The following AFAP1 variants were observed in gnomAD, a reference collection of about 807,000 sequenced individuals.
AFAP1 encodes the protein actin filament associated protein 1.
Under a neutral mutation model 93.9 loss-of-function variants are expected in AFAP1, and 75 were observed. That is an observed-to-expected ratio of 0.80 (90% confidence interval 0.66 to 0.97). The LOEUF is 0.97. Among genes scored for constraint, AFAP1 ranks in the 50% least tolerant of loss-of-function variants. AFAP1 has a pLI of 0.00. For synonymous variants in AFAP1, 517 were observed against 430.7 expected (o/e 1.20, Z -2.48); for missense variants, 1,201 against 1,050.8 (o/e 1.14, Z -1.98).
At chr4:7,857,007 A>C (rs1011864520) in intron 3 of AFAP1, among the ~76,000 whole-genome samples, 2 of 152,212 alleles carry the variant, frequency 1.3e-5, no homozygotes, top group African/African-American at 4.8e-5. Flanking sequence ...TGCCAGCTGG[A>C]GTTTTCAAAC....
chr4:7,886,655 C>A (rs149185958), intron 1 of AFAP1, among the ~76,000 whole-genome samples: 246 of 152,242 alleles, frequency 1.6e-3, no homozygotes, highest in African/African-American at 5.5e-3. Context: ...GACATACAAG[C>A]CCTGATGGAA....
chr4:7,935,201 A>G (rs1475738401), intron 1 of AFAP1, among the ~76,000 whole-genome samples: 8 of 152,144 alleles, frequency 5.3e-5, no homozygotes, highest in Admixed American at 5.2e-4. Context: ...ACAAAATTCC[A>G]TTACATTCAT....
intron 17 of AFAP1, among the ~76,000 whole-genome samples, chr4:7,765,986 C>T (rs1273717209): frequency 1.3e-5 from 2 of 152,206 alleles, no homozygotes; most frequent in African/African-American, 4.8e-5. Flanking sequence ...CCCACTATTT[C>T]CAGGGGCTCA....
chr4:7,897,312 G>C (rs924963070), intron 1 of AFAP1, among the ~76,000 whole-genome samples: 1 of 152,156 alleles, frequency 6.6e-6, no homozygotes, highest in African/African-American at 2.4e-5. Context: ...ACGAACAAAC[G>C]GTAGGAAAAC....
At chr4:7,876,846 C>T (rs1299384215) in intron 1 of AFAP1, among the ~76,000 whole-genome samples, 3 of 152,194 alleles carry the variant, frequency 2.0e-5, no homozygotes, top group Admixed American at 2.0e-4. Flanking sequence ...GCGAAATACT[C>T]CCATAGCAGA....
At chr4:7,859,862 A>G (rs1715475023) in intron 3 of AFAP1, among the ~76,000 whole-genome samples, 1 of 152,188 alleles carries the variant, frequency 6.6e-6, no homozygotes, top group African/African-American at 2.4e-5. Context: ...CTTTAAACAA[A>G]AAGAATTCAC....
chr4:7,796,936 T>C (rs1718483370), intron 10 of AFAP1, among the ~76,000 whole-genome samples: 1 of 151,816 alleles, frequency 6.6e-6, no homozygotes. Flanking sequence ...GTGGCACACC[T>C]GTAATCCCAG....
chr4:7,782,813 G>A (rs142659255), intron 12 of AFAP1, among the ~76,000 whole-genome samples: 1,704 of 152,214 alleles, frequency 0.011, 20 homozygotes, highest in Non-Finnish European at 0.015. Context: ...GTATTCCTCC[G>A]CAATCACTTC....
At chr4:7,780,600 C>G (rs1036569108) in intron 13 of AFAP1, among the ~76,000 whole-genome samples, 2 of 151,924 alleles carry the variant, frequency 1.3e-5, no homozygotes, top group Middle Eastern at 6.8e-3. Context: ...ATCACTTGAG[C>G]CCACAGTTCA....
intron 3 of AFAP1, among the ~76,000 whole-genome samples, chr4:7,865,403 T>C (rs575419810): frequency 2.2e-4 from 34 of 152,354 alleles, no homozygotes; most frequent in Non-Finnish European, 4.4e-4. Flanking sequence ...ATTTAACATA[T>C]TTAAAGCACA....
chr4:7,897,019 G>C (rs191823987), intron 1 of AFAP1, among the ~76,000 whole-genome samples: 1 of 152,044 alleles, frequency 6.6e-6, no homozygotes, highest in Admixed American at 6.5e-5. Flanking sequence ...AACCTCTGAA[G>C]ATGTTTGGTC....
At chr4:7,914,542 T>C (rs1234529913) in intron 1 of AFAP1, among the ~76,000 whole-genome samples, 1 of 152,156 alleles carries the variant, frequency 6.6e-6, no homozygotes, top group Non-Finnish European at 1.5e-5. Context: ...ATCCATCATG[T>C]GCTGCTGGAC....
At chr4:7,899,422 A>G (rs1279610051) in intron 1 of AFAP1, among the ~76,000 whole-genome samples, 1 of 152,204 alleles carries the variant, frequency 6.6e-6, no homozygotes, top group Non-Finnish European at 1.5e-5. Context: ...CAATAATACA[A>G]CATGCACTGG....
intron 1 of AFAP1, among the ~76,000 whole-genome samples, chr4:7,878,932 G>C (rs1717681706): frequency 6.6e-6 from 1 of 152,060 alleles, no homozygotes; most frequent in Non-Finnish European, 1.5e-5. Context: ...TCCCTCATAG[G>C]TTACGTTCAA....
chr4:7,856,649 C>A (rs927728429), intron 3 of AFAP1, among the ~76,000 whole-genome samples: 1 of 152,228 alleles, frequency 6.6e-6, no homozygotes, highest in Non-Finnish European at 1.5e-5. Flanking sequence ...GGACAACCTA[C>A]GTCCCACCTG....
Position 7,763,371 on chromosome 4 carries a change from C to T in AFAP1, c.*394G>A. On this transcript the variant is annotated 3_prime_UTR_variant, in exon 18 of 18. Transcript: ENST00000420658. ...TGCCCGGGGCAGCCGGGGATCCAAG[C>T]TCTTCCCTGTCGAATCCAGGTTTTC... 1 of 209,472 alleles carries T rather than the reference C, an allele frequency of 4.8e-6. No individual in the cohort carries two copies. The highest frequency in any genetic ancestry group is 9.5e-6 in the Non-Finnish European group (1 of 104,738). The allele number at this position is 209,472 out of a possible 1,614,324, so 13.0% of individuals were successfully genotyped here. A position where few individuals can be genotyped will look rare whatever the true frequency, so the allele number is the denominator to read the frequency against.
intron 5 of AFAP1, among the ~76,000 whole-genome samples, chr4:7,840,747 C>T (rs1253598898): frequency 6.6e-6 from 1 of 152,066 alleles, no homozygotes; most frequent in Non-Finnish European, 1.5e-5. Context: ...GAATGTTGAC[C>T]ATTTGAGATT....
chr4:7,832,670 T>TTA (rs1553842483), intron 6 of AFAP1, among the ~76,000 whole-genome samples: 5 of 142,544 alleles, frequency 3.5e-5, no homozygotes, highest in East Asian at 4.0e-4. Context: ...ATTCATATGT[T>TTA]AAAAAAAAAA....
intron 1 of AFAP1, among the ~76,000 whole-genome samples, chr4:7,873,098 C>T (rs1003092570): frequency 1.3e-5 from 2 of 150,808 alleles, no homozygotes; most frequent in African/African-American, 4.9e-5. Flanking sequence ...CAAAAAGTAG[C>T]CGGGCGTGGT....
Sources: gnomAD v4.1 joint callset for allele counts (sites outside exome capture counted in the v4.1 genomes callset) on GRCh38, gnomAD v4.1.1 for gene constraint, MANE v1.5 for transcripts, NCBI Gene and HGNC (gene_info 2026-07-23, HGNC 2026-07-21) for gene names.